The following RCOR1 variants were observed in gnomAD, a reference collection of about 807,000 sequenced individuals.
The protein encoded by RCOR1 is REST corepressor 1, also known as REST corepressor.
A neutral mutation model predicts 64.0 loss-of-function variants in RCOR1; 12 were observed. That is an observed-to-expected ratio of 0.19 (90% CI 0.12 to 0.30). The LOEUF (loss-of-function observed/expected upper bound fraction) is 0.30. Ranked by LOEUF, RCOR1 falls within the 10% of genes least tolerant of loss-of-function variation. The pLI, the probability that RCOR1 is intolerant of heterozygous loss-of-function variation, is 1.00. For missense variants in RCOR1, 502 were observed against 621.2 expected (o/e 0.81, Z 2.04); for synonymous variants, 279 against 227.2 (o/e 1.23, Z -2.05).
intron 8 of RCOR1, among the ~76,000 whole-genome samples, chr14:102,720,710 G>A (rs1370664811): frequency 6.6e-6 from 1 of 152,176 alleles, no homozygotes; most frequent in African/African-American, 2.4e-5. Flanking sequence ...AAGACTCCAG[G>A]TAGGTGTTTT....
chr14:102,698,469 G>A (rs1472442692), intron 3 of RCOR1, among the ~76,000 whole-genome samples: 2 of 152,164 alleles, frequency 1.3e-5, no homozygotes, highest in African/African-American at 4.8e-5. Context: ...ACTCAGTTAA[G>A]GTAGATAATA....
chr14:102,656,193 G>A (rs1894720497), intron 2 of RCOR1: 1 of 841,648 alleles, frequency 1.2e-6, no homozygotes, highest in Admixed American at 6.2e-5. Flanking sequence ...AGACTGGAGT[G>A]CAGTGGTGTG....
chr14:102,688,514 G>A (rs1057488585), intron 3 of RCOR1, among the ~76,000 whole-genome samples: 2 of 152,192 alleles, frequency 1.3e-5, no homozygotes, highest in Admixed American at 1.3e-4. Flanking sequence ...ATTGGTGGTA[G>A]TAAGGTGTTG....
At chr14:102,681,209 A>G (rs1434879392) in intron 2 of RCOR1, among the ~76,000 whole-genome samples, 2 of 152,208 alleles carry the variant, frequency 1.3e-5, no homozygotes, top group Non-Finnish European at 2.9e-5. Context: ...TAATTTATTT[A>G]AAGGAAAAAA....
In RCOR1 at chr14:102,681,791, G is replaced by C. The variant is rs1243102759; in HGVS notation, c.362-104G>C. ...GTTAAGTGTGGGGCCCATTGGGCCA[G>C]ATACAGGTAAAAAGGTGGGTGATGT... is the stretch of plus-strand genomic sequence containing the variant. On this transcript the variant is annotated intron_variant, in intron 2 of 11. Coordinates refer to ENST00000262241, the MANE Select transcript of RCOR1 (RefSeq NM_015156.4). 5.1e-6 allele frequency: 4 copies of C among 791,300 alleles called. No homozygotes were observed. The Admixed American group carries it at 6.4e-5, about 13-fold the overall frequency. 49.0% of individuals were successfully genotyped at this position (791,300 alleles called of 1,614,324 possible).
intron 2 of RCOR1, chr14:102,657,946 G>C (rs1308776047): frequency 1.0e-6 from 1 of 980,646 alleles, no homozygotes; most frequent in Non-Finnish European, 1.2e-6. Flanking sequence ...TCTTTATGAG[G>C]GGTGTTCTTT....
At chr14:102,673,534 A>T (rs1266033206) in intron 2 of RCOR1, among the ~76,000 whole-genome samples, 2 of 151,182 alleles carry the variant, frequency 1.3e-5, no homozygotes, top group African/African-American at 4.9e-5. Context: ...ACGGGGTTTC[A>T]CTGTGTTAGC....
At chr14:102,595,067 T>C (rs1203454740) in intron 2 of RCOR1, among the ~76,000 whole-genome samples, 2 of 152,256 alleles carry the variant, frequency 1.3e-5, no homozygotes, top group African/African-American at 4.8e-5. Context: ...TGACATCAGC[T>C]CTGCATTGTT....
intron 2 of RCOR1, chr14:102,655,964 C>CACACAT (rs1266142999): frequency 1.7e-5 from 17 of 979,900 alleles, no homozygotes; most frequent in Middle Eastern, 1.0e-3. Flanking sequence ...CACACACACA[C>CACACAT]ACACACACAC....
intron 2 of RCOR1, among the ~76,000 whole-genome samples, chr14:102,629,655 C>G (rs1249440508): frequency 6.6e-6 from 1 of 152,188 alleles, no homozygotes; most frequent in Non-Finnish European, 1.5e-5. Context: ...TCTACAAATG[C>G]TATTTGTAGT....
chr14:102,703,122 TCAA>T (rs1427275506), intron 4 of RCOR1, among the ~76,000 whole-genome samples: 2 of 152,080 alleles, frequency 1.3e-5, no homozygotes, highest in Non-Finnish European at 2.9e-5. Flanking sequence ...TGGAAGAGTC[TCAA>T]CAAAGAACAT....
chr14:102,668,810 G>A (rs1054466239), intron 2 of RCOR1, among the ~76,000 whole-genome samples: 8 of 151,986 alleles, frequency 5.3e-5, no homozygotes, highest in Admixed American at 3.9e-4. Flanking sequence ...TAAATTCTTC[G>A]TGAAATCGCT....
chr14:102,686,420 T>C (rs116039210), intron 3 of RCOR1, among the ~76,000 whole-genome samples: 88 of 152,320 alleles, frequency 5.8e-4, no homozygotes, highest in African/African-American at 2.1e-3. Flanking sequence ...ATACGTTTGT[T>C]ACAATCAAGC....
chr14:102,619,602 T>TCC (rs1893832977), intron 2 of RCOR1, among the ~76,000 whole-genome samples: 1 of 151,336 alleles, frequency 6.6e-6, no homozygotes, highest in African/African-American at 2.4e-5. Flanking sequence ...TGCCTCAGCC[T>TCC]CCCTGGTAGC....
chr14:102,640,953 A>G (rs1894356162), intron 2 of RCOR1, among the ~76,000 whole-genome samples: 1 of 152,140 alleles, frequency 6.6e-6, no homozygotes, highest in African/African-American at 2.4e-5. Flanking sequence ...TCCCTGTCTC[A>G]GAAGAAAAAC....
chr14:102,681,976 A>C lies in RCOR1; in HGVS notation c.443A>C (p.Lys148Thr). The C allele has an allele frequency of 6.2e-7, 1 of 1,610,472 alleles. No individual in the cohort carries two copies. The highest frequency in any genetic ancestry group is 8.5e-7 in the Non-Finnish European group (1 of 1,176,764). Residue 148 changes from lysine (K) to threonine (T), a missense_variant and splice_region_variant, in exon 3 of 12, where the codon AAG becomes ACG. Lys to Thr is a moderately conservative substitution (Grantham distance 78). Coordinates refer to ENST00000262241, the MANE Select transcript of RCOR1 (RefSeq NM_015156.4). Reference sequence around the variant, plus strand: ...CCCAATCAAAATCTGTCAGAAGCAAAGTGTAAGTCTTGGAGCACTTTATTT... The same window carrying C: ...CCCAATCAAAATCTGTCAGAAGCAACGTGTAAGTCTTGGAGCACTTTATTT... ...WSPNQNLSEA[K>T]LDEYIAIAKE...
At position 102,593,029 on chromosome 14, in the gene RCOR1, G is replaced by C. The variant is rs951051909; in HGVS notation, c.143G>C (p.Gly48Ala). Residue 48 changes from glycine (G) to alanine (A), a missense_variant, in exon 1 of 12, where the codon GGC (glycine) becomes GCC (alanine). Coordinates refer to ENST00000262241, the MANE Select transcript of RCOR1 (RefSeq NM_015156.4). ...CASPAATAAS[G>A]AAASSASAAA... ...TCGCCAGCCGCCACTGCCGCCTCGGGCGCCGCCGCCTCCTCAGCCTCGGCC... is the reference window on the plus strand; with the variant it reads ...TCGCCAGCCGCCACTGCCGCCTCGGCCGCCGCCGCCTCCTCAGCCTCGGCC... The C allele has an allele frequency of 7.4e-5, 94 of 1,262,894 alleles. 2 individuals are homozygous for C. In the Middle Eastern group the frequency reaches 2.2e-3, roughly 29 times the overall value. 78.2% of individuals were successfully genotyped at this position (1,262,894 alleles called of 1,614,324 possible). A position where few individuals can be genotyped will look rare whatever the true frequency, so the allele number is the denominator to read the frequency against.
intron 2 of RCOR1, among the ~76,000 whole-genome samples, chr14:102,675,693 G>A (rs1895131082): frequency 6.6e-6 from 1 of 152,158 alleles, no homozygotes; most frequent in African/African-American, 2.4e-5. Context: ...TTCCAATGCG[G>A]GGCACCACTG....
At chr14:102,708,949 C>G (rs1193986276) in intron 6 of RCOR1, among the ~76,000 whole-genome samples, 1 of 152,146 alleles carries the variant, frequency 6.6e-6, no homozygotes, top group Non-Finnish European at 1.5e-5. Context: ...AACAAAAATA[C>G]AACTTAGAGT....
Sources: allele counts gnomAD v4.1 joint callset (sites outside exome capture counted in the v4.1 genomes callset), GRCh38; gene constraint gnomAD v4.1.1; transcripts MANE v1.5; gene names NCBI Gene and HGNC (gene_info 2026-07-23, HGNC 2026-07-21).